WWTR1: variants seen among roughly 807,000 people sequenced by gnomAD.
WWTR1 encodes the protein WW domain-containing transcription regulator protein 1.
WWTR1 carries 13 observed loss-of-function variants against 40.1 expected under a neutral mutation model. That is an observed-to-expected ratio of 0.32 (90% confidence interval 0.21 to 0.52). The LOEUF is 0.52. WWTR1 is among the 20% of genes least tolerant of loss of function. The pLI is 0.97. For synonymous variants in WWTR1, 230 were observed against 210.1 expected (o/e 1.09, Z -0.82); for missense variants, 436 against 523.1 (o/e 0.83, Z 1.63).
chr3:149,663,614 T>C lies in WWTR1; in HGVS notation c.-4+6174A>G, dbSNP rs188885585. 1.5e-4 allele frequency among the ~76,000 whole-genome samples: 23 copies of C among 152,136 alleles called. 1 individual carries two copies. Among genetic ancestry groups the C allele is most frequent in the Admixed American group, 1.4e-3 (21 of 15,290 alleles). On this transcript the variant is annotated intron_variant, in intron 2 of 7. Transcript: ENST00000465804. Reference sequence around the variant, plus strand: ...GGGAGGCTGAGGCAGGAGAATTGCTTGAACCCAGGAGGCGGAGGCTGCAGT... The same window carrying C: ...GGGAGGCTGAGGCAGGAGAATTGCTCGAACCCAGGAGGCGGAGGCTGCAGT...
At chr3:149,699,701 C>A (rs561406164) in intron 1 of WWTR1, among the ~76,000 whole-genome samples, 2 of 152,326 alleles carry the variant, frequency 1.3e-5, no homozygotes, top group South Asian at 4.1e-4. Context: ...CAGTTCCCAA[C>A]AGTTTCCCCA....
At chr3:149,664,677 C>G (rs1437744988) in intron 2 of WWTR1, among the ~76,000 whole-genome samples, 1 of 151,978 alleles carries the variant, frequency 6.6e-6, no homozygotes, top group Non-Finnish European at 1.5e-5. Context: ...CAACCTCCAC[C>G]TCCCGGGTTC....
chr3:149,657,532 A>G (rs986041265), intron 1 of WWTR1: 3 of 577,030 alleles, frequency 5.2e-6, no homozygotes, highest in Admixed American at 3.2e-5. Context: ...TTCTTGAAGC[A>G]AAGAAGTTGC....
At chr3:149,544,749 A>G (rs906446183) in intron 3 of WWTR1, among the ~76,000 whole-genome samples, 1 of 152,196 alleles carries the variant, frequency 6.6e-6, no homozygotes, top group Admixed American at 6.5e-5. Context: ...AACCCTGTAA[A>G]GACAATCTGC....
intron 2 of WWTR1, among the ~76,000 whole-genome samples, chr3:149,582,598 G>A (rs975926100): frequency 3.3e-5 from 5 of 152,028 alleles, no homozygotes; most frequent in Middle Eastern, 3.4e-3. Context: ...GGGCGTGGTG[G>A]TATATGCCTG....
At chr3:149,696,014 G>C (rs1054857117) in intron 1 of WWTR1, among the ~76,000 whole-genome samples, 1 of 148,146 alleles carries the variant, frequency 6.8e-6, no homozygotes, top group Admixed American at 6.8e-5. Flanking sequence ...TCGGGAGGCT[G>C]AGGCAGGAGA....
intron 2 of WWTR1, among the ~76,000 whole-genome samples, chr3:149,651,718 C>G (rs1350835183): frequency 6.6e-6 from 1 of 152,112 alleles, no homozygotes; most frequent in Non-Finnish European, 1.5e-5. Context: ...TTGATTGGCC[C>G]AGGAATCCTA....
intron 1 of WWTR1, among the ~76,000 whole-genome samples, chr3:149,683,182 G>T (rs542054636): frequency 6.6e-6 from 1 of 152,252 alleles, no homozygotes; most frequent in African/African-American, 2.4e-5. Context: ...CTATGAAAGG[G>T]ATACTATTAT....
At chr3:149,620,571 CA>C (rs372769328) in intron 2 of WWTR1, among the ~76,000 whole-genome samples, 26 of 130,352 alleles carry the variant, frequency 2.0e-4, no homozygotes, top group East Asian at 9.8e-4. Flanking sequence ...CGCTCCCCCC[CA>C]CACACACACA....
intron 2 of WWTR1, among the ~76,000 whole-genome samples, chr3:149,576,679 T>C (rs1290870395): frequency 6.6e-6 from 1 of 151,978 alleles, no homozygotes. Flanking sequence ...TATTTGAAAA[T>C]GGAACAAAAA....
intron 1 of WWTR1, among the ~76,000 whole-genome samples, chr3:149,681,258 G>GT (rs1473982114): frequency 2.6e-5 from 4 of 152,222 alleles, no homozygotes; most frequent in Non-Finnish European, 5.9e-5. Context: ...CCTCCATGCT[G>GT]TTTTCCACAG....
chr3:149,618,278 T>G (rs11710981), intron 2 of WWTR1, among the ~76,000 whole-genome samples: 101,061 of 152,058 alleles, frequency 0.66, 34,083 homozygotes, highest in Middle Eastern at 0.72. Context: ...CAAGCCTGGG[T>G]CTACAATGTC....
At chr3:149,661,017 GA>G (rs1713549028), upstream of WWTR1, 1 of 152,184 alleles carries the variant, frequency 6.6e-6, no homozygotes, top group Non-Finnish European at 1.5e-5. Flanking sequence ...CCTTAACCAG[GA>G]AAATGTGGCA....
intron 2 of WWTR1, among the ~76,000 whole-genome samples, chr3:149,656,594 T>C (rs73155026): frequency 0.31 from 47,070 of 151,928 alleles, 7,671 homozygotes; most frequent in Middle Eastern, 0.49. Context: ...GCTTCAGTCC[T>C]GCAGATTCAA....
At chr3:149,664,744 A>G (rs1229591879) in intron 2 of WWTR1, among the ~76,000 whole-genome samples, 8 of 152,160 alleles carry the variant, frequency 5.3e-5, no homozygotes, top group African/African-American at 1.9e-4. Flanking sequence ...ATGCGCCATC[A>G]TGCCTGGCTG....
intron 2 of WWTR1, among the ~76,000 whole-genome samples, chr3:149,605,381 A>T (rs1739438782): frequency 6.6e-6 from 1 of 152,156 alleles, no homozygotes; most frequent in African/African-American, 2.4e-5. Context: ...ACACTAGAAA[A>T]CATAGACAAG....
At position 149,601,477 on chromosome 3, in the gene WWTR1, C is replaced by T. The variant is rs527363280; in HGVS notation, c.432-28477G>A. ...CCTCCCAAAATGCTGGGATTATAGG[C>T]ATGAGGCACCACACCCAGCCAAGTG... On this transcript the variant is annotated intron_variant, in intron 2 of 6. Transcript: ENST00000360632. Among the ~76,000 whole-genome samples, 58 of 152,298 alleles carry T rather than the reference C, an allele frequency of 3.8e-4. 3 individuals carry two copies. The South Asian group carries it at 0.012, about 32-fold the overall frequency.
At chr3:149,565,926 C>A (rs551613656) in intron 3 of WWTR1, among the ~76,000 whole-genome samples, 85 of 118,114 alleles carry the variant, frequency 7.2e-4, no homozygotes, top group Middle Eastern at 4.6e-3. Context: ...GAAACTCTGT[C>A]TCAAAAAAAA....
At chr3:149,587,437 C>A in intron 2 of WWTR1, among the ~76,000 whole-genome samples, 1 of 152,012 alleles carries the variant, frequency 6.6e-6, no homozygotes, top group East Asian at 1.9e-4. Context: ...CAGACCCCAC[C>A]CAAAAGGTGG....
Sources: gnomAD v4.1 joint callset for allele counts (sites outside exome capture counted in the v4.1 genomes callset) on GRCh38, gnomAD v4.1.1 for gene constraint, MANE v1.5 for transcripts, NCBI Gene and HGNC (gene_info 2026-07-23, HGNC 2026-07-21) for gene names.